The following ACSS2 variants were observed in gnomAD, a reference collection of about 807,000 sequenced individuals.
ACSS2 encodes acetyl-coenzyme A synthetase, cytoplasmic.
Under a neutral mutation model 90.6 loss-of-function variants are expected in ACSS2, and 58 were observed. That is an observed-to-expected ratio of 0.64 (90% CI 0.52 to 0.80). ACSS2 has a LOEUF of 0.80. ACSS2 is among the 30% of genes least tolerant of loss of function. ACSS2 has a pLI of 0.00. For synonymous variants in ACSS2, 300 were observed against 330.9 expected, an observed-to-expected ratio of 0.91 and a Z score of 1.01; for missense variants, 759 against 912.0, an observed-to-expected ratio of 0.83 and a Z score of 2.16.
At chr20:34,885,536 G>C (rs974490991) in intron 2 of ACSS2, among the ~76,000 whole-genome samples, 2 of 152,154 alleles carry the variant, frequency 1.3e-5, no homozygotes, top group Non-Finnish European at 2.9e-5. Flanking sequence ...TATTAGTAGG[G>C]GGCTTCTTAA....
rs1342569680 is a variant in ACSS2, at chr20:34,925,748, G to A, written c.1708G>A (p.Asp570Asn). ...TTACTGGATCACTGGCAGGATTGAT[G>A]ACATGCTCAATGTATCTGGTGAGGG... Reference protein sequence around the residue: ...GYYWITGRIDDMLNVSGHLLS... With the variant: ...GYYWITGRIDNMLNVSGHLLS... Residue 570 changes from aspartate to asparagine, a missense_variant, in exon 15 of 18, where the codon GAC becomes AAC. Physicochemically the swap from Asp to Asn is conservative, Grantham distance 23. Transcript: ENST00000360596. 5 of 1,613,334 alleles carry A rather than the reference G, an allele frequency of 3.1e-6. No individual in the cohort carries two copies. The highest frequency in any genetic ancestry group is 4.2e-6 in the Non-Finnish European group (5 of 1,179,800).
chr20:34,926,763 T>G, intron 16 of ACSS2, 114 bp from the exon 17 acceptor site: 2 of 976,740 alleles, frequency 2.0e-6, no homozygotes, highest in Admixed American at 2.1e-5. Context: ...AGGCTGTCTC[T>G]GTGGGCAGGG....
At chr20:34,876,997 G>T (rs1180009020) in intron 1 of ACSS2, among the ~76,000 whole-genome samples, 174 bp downstream of exon 1, 1 of 152,226 alleles carries the variant, frequency 6.6e-6, no homozygotes, top group Non-Finnish European at 1.5e-5. Flanking sequence ...GGAGACGAGG[G>T]TTCCATGGGA....
At position 34,919,583 on chromosome 20, in the gene ACSS2, G is replaced by A. The variant is rs1220365583; in HGVS notation, c.972+11G>A. ...ACAGGCAAACCCAAGGCAAGTGTGT[G>A]TGTGTGTGTGTGTGTGTGTGTGTGT... On this transcript the variant is annotated intron_variant, in intron 8 of 17. Coordinates refer to ENST00000360596, the MANE Select transcript of ACSS2 (RefSeq NM_018677.4). The A allele has an allele frequency of 4.0e-6, 4 of 1,006,498 alleles. No individual in the cohort carries two copies. The highest frequency in any genetic ancestry group is 5.4e-6 in the Non-Finnish European group (4 of 736,774). The allele number at this position is 1,006,498 out of a possible 1,614,324, so 62.3% of individuals were successfully genotyped here.
intron 2 of ACSS2, among the ~76,000 whole-genome samples, chr20:34,899,378 A>AT (rs889880837): frequency 6.8e-6 from 1 of 146,862 alleles, no homozygotes; most frequent in African/African-American, 2.6e-5. Context: ...ACGTTATCAC[A>AT]TTTTTTTCTT....
chr20:34,877,870 A>ACCCTTG (rs1488563524), intron 1 of ACSS2, among the ~76,000 whole-genome samples: 1 of 142,688 alleles, frequency 7.0e-6, no homozygotes, highest in Non-Finnish European at 1.5e-5. Flanking sequence ...AAATCCCCCT[A>ACCCTTG]CCCTTGCCCT....
intron 14 of ACSS2, 66 bp downstream of exon 14, chr20:34,923,497 GGAAGAGT>G (rs2081247153): frequency 8.6e-7 from 1 of 1,168,502 alleles, no homozygotes; most frequent in African/African-American, 1.5e-5. Context: ...TCCATTTTCA[GGAAGAGT>G]TGGTGTGTTG....
In ACSS2 at chr20:34,915,129, T is replaced by C. The variant is rs982416422; in HGVS notation, c.834+692T>C. Reference sequence around the variant, plus strand: ...CTGGGAGGACCAGTGAGAAGGGAGTTTGGGGTTTATGACACACTGACCCTT... The same window carrying C: ...CTGGGAGGACCAGTGAGAAGGGAGTCTGGGGTTTATGACACACTGACCCTT... On this transcript the variant is annotated intron_variant, in intron 7 of 17. Transcript: ENST00000360596. 173 of 1,392,746 alleles carry C rather than the reference T, an allele frequency of 1.2e-4. 1 individual carries two copies. The South Asian group carries it at 1.9e-3, about 15-fold the overall frequency. 86.3% of individuals were successfully genotyped at this position (1,392,746 alleles called of 1,614,324 possible). A position where few individuals can be genotyped will look rare whatever the true frequency, so the allele number is the denominator to read the frequency against.
At chr20:34,918,793 T>C (rs192898387) in intron 7 of ACSS2, among the ~76,000 whole-genome samples, 2 of 152,312 alleles carry the variant, frequency 1.3e-5, no homozygotes, top group East Asian at 3.9e-4. Context: ...TTCTGAATTG[T>C]GTGGTGTCCG....
Position 34,905,734 on chromosome 20 carries a change from C to T in ACSS2, c.375-7362C>T, listed in dbSNP as rs79569268. ...CCAGTTTTCCTGTCCTTCCCCTTCC[C>T]TATTGTTCCCCTGAAACTGAGGCTA... On this transcript the variant is annotated intron_variant, in intron 2 of 17. Transcript: ENST00000360596. 1.8e-3 allele frequency among the ~76,000 whole-genome samples: 271 copies of T among 152,350 alleles called. 1 individual carries two copies. The highest frequency in any genetic ancestry group is 3.0e-3 in the Non-Finnish European group (206 of 68,038).
intron 2 of ACSS2, among the ~76,000 whole-genome samples, chr20:34,899,412 T>TTCTTTC (rs1390945073): frequency 1.7e-5 from 1 of 58,112 alleles, no homozygotes; most frequent in South Asian, 8.1e-4. Flanking sequence ...CCTTCTTTCT[T>TTCTTTC]TCTTTCTTTC....
chr20:34,894,015 T>G (rs2080402830), intron 2 of ACSS2, among the ~76,000 whole-genome samples: 2 of 152,180 alleles, frequency 1.3e-5, no homozygotes. Context: ...TTTCTAAGTG[T>G]GATTTTTTTG....
At chr20:34,923,736 C>G (rs1165879894) in intron 14 of ACSS2, among the ~76,000 whole-genome samples, 1 of 151,938 alleles carries the variant, frequency 6.6e-6, no homozygotes, top group African/African-American at 2.4e-5. Flanking sequence ...TTTTAAACAA[C>G]CAGATCTTAC....
At chr20:34,901,135 T>G (rs865904503) in intron 2 of ACSS2, among the ~76,000 whole-genome samples, 34 of 152,378 alleles carry the variant, frequency 2.2e-4, no homozygotes, top group African/African-American at 7.5e-4. Context: ...AGAATAGTGT[T>G]GCTACTAATT....
rs202081936 is a variant in ACSS2 at position 34,899,418 on chromosome 20, CTT to C, written c.375-13676_375-13675del. Among the ~76,000 whole-genome samples, 598 of 95,486 alleles carry C rather than the reference CTT, an allele frequency of 6.3e-3. 3 individuals are homozygous for C. Among genetic ancestry groups the C allele is most frequent in the Non-Finnish European group, 8.0e-3 (389 of 48,588 alleles). The allele number at this position is 95,486 out of a possible 152,430, so 62.6% of individuals were successfully genotyped here. Reference sequence around the variant, plus strand: ...TCTTTCTTTCCTTCTTTCTTTCTTTCTTTCTTTCCTTCCTTCCTTCCTTCCTT... The same window carrying C: ...TCTTTCTTTCCTTCTTTCTTTCTTTCTCTTTCCTTCCTTCCTTCCTTCCTT... On this transcript the variant is annotated intron_variant, in intron 2 of 17. Coordinates refer to ENST00000360596, the MANE Select transcript of ACSS2 (RefSeq NM_018677.4).
At chr20:34,914,284 G>A in intron 6 of ACSS2, 39 bp from the exon 7 acceptor site, 1 of 1,605,368 alleles carries the variant, frequency 6.2e-7, no homozygotes, top group Non-Finnish European at 8.5e-7. Context: ...TTCCCTTTGA[G>A]CCAACAAGGC....
At position 34,876,808 on chromosome 20, in the gene ACSS2, G is replaced by T; in HGVS notation, c.163G>T (p.Val55Leu). The T allele has an allele frequency of 7.6e-7, 1 of 1,312,206 alleles. No individual in the cohort carries two copies. 81.3% of individuals were successfully genotyped at this position (1,312,206 alleles called of 1,614,324 possible). ...CTACCGCGAGCTGCACCGGCGCTCC[G>T]TGGAGGAGCCGCGGGGTGAGGCCCG... ...QRYRELHRRS[V>L]EEPREFWGDI... is the part of the protein sequence containing the mutation. The change falls in exon 1 of 18, where the codon GTG becomes TTG. Residue 55 changes from valine to leucine, a missense_variant. Physicochemically the swap from Val to Leu is conservative, Grantham distance 32. Coordinates refer to ENST00000360596, the MANE Select transcript of ACSS2 (RefSeq NM_018677.4).
chr20:34,914,422 A>T lies in ACSS2; in HGVS notation c.819A>T (p.Ser273=), dbSNP rs768761009. 1.2e-6 allele frequency: 2 copies of T among 1,613,144 alleles called. No homozygotes were observed. The highest frequency in any genetic ancestry group is 2.2e-5 in the South Asian group (2 of 90,882). ...STSQSPPIKR[S]CPDVQISWNQ... ...GCCAGTCCCCCCCAATTAAGAGGTC[A>T]TGCCCAGATGTGCAGGTGAGTCTGG... The change falls in exon 7 of 18, where the codon TCA becomes TCT. Residue 273 remains serine, a synonymous_variant. Coordinates refer to ENST00000360596, the MANE Select transcript of ACSS2 (RefSeq NM_018677.4).
At chr20:34,875,277 A>C (rs983016934), upstream of ACSS2, 6 of 464,968 alleles carry the variant, frequency 1.3e-5, no homozygotes, top group Non-Finnish European at 2.7e-5. Flanking sequence ...GAAGGAAAGA[A>C]GAGAATGTGG....
Sources: gnomAD v4.1 joint callset for allele counts (sites outside exome capture counted in the v4.1 genomes callset) on GRCh38, gnomAD v4.1.1 for gene constraint, MANE v1.5 for transcripts, NCBI Gene and HGNC (gene_info 2026-07-23, HGNC 2026-07-21) for gene names.